Variants in SMG9 observed in about 807,000 individuals in gnomAD.
SMG9 encodes nonsense-mediated mRNA decay factor SMG9.
Under a neutral mutation model 64.0 loss-of-function variants are expected in SMG9, and 55 were observed. That is an observed-to-expected ratio of 0.86 (90% confidence interval 0.69 to 1.08). The LOEUF (loss-of-function observed/expected upper bound fraction) is 1.08. Ranked by LOEUF, SMG9 falls within the 50% of genes least tolerant of loss-of-function variation. SMG9 has a pLI of 0.00. For synonymous variants in SMG9, 244 were observed against 254.8 expected (o/e 0.96, Z 0.41); for missense variants, 554 against 681.3 (o/e 0.81, Z 2.08).
intron 11 of SMG9, 47 bp downstream of exon 11, chr19:43,733,579 G>A (rs776385955): frequency 8.1e-6 from 13 of 1,610,236 alleles, no homozygotes; most frequent in Non-Finnish European, 1.1e-5. Context: ...GGTTGGATCA[G>A]GAATTAGGAG....
chr19:43,747,946 C>T lies in SMG9; in HGVS notation c.225+32G>A, dbSNP rs346539. ...TCAATGGGGGCAATCCCTTCCCTAACGGCTCCCCCTCCTCCCTCCTTCTCT... is the reference window on the plus strand; with the variant it reads ...TCAATGGGGGCAATCCCTTCCCTAATGGCTCCCCCTCCTCCCTCCTTCTCT... On this transcript the variant is annotated intron_variant, in intron 3 of 13. Transcript: ENST00000270066. 3.7e-3 allele frequency: 5,969 copies of T among 1,614,168 alleles called. 199 individuals are homozygous for T. The African/African-American group carries it at 0.07, about 19-fold the overall frequency.
At chr19:43,731,718 C>A in intron 13 of SMG9, 44 bp from the exon 14 acceptor site, 1 of 1,613,476 alleles carries the variant, frequency 6.2e-7, no homozygotes, top group Non-Finnish European at 8.5e-7. Context: ...CGGGGCTCCC[C>A]CCAGCCCAGC....
rs1468431392 is a variant in SMG9, at chr19:43,731,429, G to A, written c.*167C>T. The A allele has an allele frequency of 6.3e-6, 9 of 1,433,430 alleles. No individual in the cohort carries two copies. The highest frequency in any genetic ancestry group is 6.0e-5 in the South Asian group (4 of 66,458). 88.8% of individuals were successfully genotyped at this position (1,433,430 alleles called of 1,614,324 possible). ...CCCCGGAACAGCCCCAACTGAGGGTGGGGGGCCTGGCCCTGGACACCTCAT... is the reference window on the plus strand; with the variant it reads ...CCCCGGAACAGCCCCAACTGAGGGTAGGGGGCCTGGCCCTGGACACCTCAT... On this transcript the variant is annotated 3_prime_UTR_variant, in exon 14 of 14. Transcript: ENST00000270066.
At chr19:43,736,917 G>T (rs968659757) in intron 9 of SMG9, among the ~76,000 whole-genome samples, 1 of 152,200 alleles carries the variant, frequency 6.6e-6, no homozygotes, top group African/African-American at 2.4e-5. Context: ...TTCCCACTGA[G>T]GGAGGCGGAG....
At chr19:43,752,139 C>G (rs1035532999) in intron 1 of SMG9, among the ~76,000 whole-genome samples, 1 of 152,216 alleles carries the variant, frequency 6.6e-6, no homozygotes, top group Non-Finnish European at 1.5e-5. Flanking sequence ...ACCTGGTATC[C>G]CACTACATTT....
At chr19:43,748,668 TC>T (rs559202505) in intron 2 of SMG9, 884 of 520,136 alleles carry the variant, frequency 1.7e-3, no homozygotes, top group South Asian at 2.8e-3. Context: ...TCTTCATGCC[TC>T]CCCAACTTAC....
intron 10 of SMG9, chr19:43,734,096 T>C (rs1568595827): frequency 3.7e-6 from 2 of 533,444 alleles, no homozygotes; most frequent in East Asian, 6.1e-5. Flanking sequence ...AACCTAATAC[T>C]CACTTCCTGA....
chr19:43,753,458 C>CTTTTTTT (rs745479932), intron 1 of SMG9, among the ~76,000 whole-genome samples: 4 of 118,614 alleles, frequency 3.4e-5, no homozygotes, highest in East Asian at 2.4e-4. Flanking sequence ...GAATGCTTTT[C>CTTTTTTT]TTTTTTTTTT....
At chr19:43,735,388 C>T (rs976385705) in intron 9 of SMG9, among the ~76,000 whole-genome samples, 10 of 152,068 alleles carry the variant, frequency 6.6e-5, no homozygotes, top group Non-Finnish European at 1.5e-4. Flanking sequence ...GGAGCTGAGG[C>T]GGGCAGATCA....
At position 43,750,717 on chromosome 19, in the gene SMG9, G is replaced by A; in HGVS notation, c.25C>T (p.Pro9Ser). The A allele has an allele frequency of 6.2e-7, 1 of 1,613,388 alleles. No individual in the cohort carries two copies. ...CGCCGCTCTATCCCATAGAGTCCAG[G>A]CTGACTGTGTCCAGACTCAGACATG... The part of the protein sequence containing the change: MSESGHSQ[P>S]GLYGIERRRR... Residue 9 changes from proline (P) to serine (S), a missense_variant, in exon 2 of 14, where the codon CCT (proline) becomes TCT (serine). Pro to Ser is a moderately conservative substitution (Grantham distance 74, BLOSUM62 -1). Coordinates refer to ENST00000270066, the MANE Select transcript of SMG9 (RefSeq NM_019108.4).
At chr19:43,747,250 T>A (rs1969043158) in intron 5 of SMG9, among the ~76,000 whole-genome samples, 192 bp downstream of exon 5, 1 of 152,142 alleles carries the variant, frequency 6.6e-6, no homozygotes, top group South Asian at 2.1e-4. Flanking sequence ...GAGTTCTGTA[T>A]TTTACCAACT....
intron 9 of SMG9, among the ~76,000 whole-genome samples, chr19:43,736,447 C>G (rs1226364905): frequency 6.6e-6 from 1 of 152,212 alleles, no homozygotes; most frequent in East Asian, 1.9e-4. Context: ...GGGCCTGAAG[C>G]CAGGAAGAGC....
chr19:43,740,401 T>C (rs1968813063), intron 6 of SMG9, among the ~76,000 whole-genome samples, 183 bp from the exon 7 acceptor site: 1 of 152,038 alleles, frequency 6.6e-6, no homozygotes, highest in Admixed American at 6.6e-5. Context: ...AAGCACACAA[T>C]TTCACTCCTA....
Position 43,731,405 on chromosome 19 carries a change from C to A in SMG9, c.*191G>T. 7.1e-7 allele frequency: 1 copy of A among 1,412,760 alleles called. No homozygotes were observed. The highest frequency in any genetic ancestry group is 9.2e-7 in the Non-Finnish European group (1 of 1,083,324). 87.5% of individuals were successfully genotyped at this position (1,412,760 alleles called of 1,614,324 possible). A position where few individuals can be genotyped will look rare whatever the true frequency, so the allele number is the denominator to read the frequency against. On this transcript the variant is annotated 3_prime_UTR_variant, in exon 14 of 14. Coordinates refer to ENST00000270066, the MANE Select transcript of SMG9 (RefSeq NM_019108.4). The stretch of plus-strand genomic sequence containing the variant: ...TGGGGTGGGATCGCTCACAGTCACC[C>A]CCGGAACAGCCCCAACTGAGGGTGG...
At chr19:43,751,167 C>CT (rs1332846546) in intron 1 of SMG9, among the ~76,000 whole-genome samples, 11 of 151,734 alleles carry the variant, frequency 7.2e-5, no homozygotes, top group Admixed American at 7.2e-4. Context: ...GAGTTTCGCT[C>CT]TTGTCACCGA....
In SMG9 at chr19:43,750,695, C is replaced by T. The variant is rs762584929; in HGVS notation, c.47G>A (p.Arg16Gln). 7.4e-6 allele frequency: 12 copies of T among 1,613,854 alleles called. No homozygotes were observed. The highest frequency in any genetic ancestry group is 5.5e-5 in the South Asian group (5 of 91,060). Residue 16 changes from arginine to glutamine, a missense_variant, in exon 2 of 14, where the codon CGG becomes CAG. Transcript: ENST00000270066. ...GCCAGGCTCCTTCCACCGTCGCCGC[C>T]GCTCTATCCCATAGAGTCCAGGCTG... ...HSQPGLYGIE[R>Q]RRRWKEPGSG...
intron 5 of SMG9, among the ~76,000 whole-genome samples, chr19:43,745,674 C>T (rs1175486417): frequency 6.6e-6 from 1 of 152,170 alleles, no homozygotes; most frequent in Non-Finnish European, 1.5e-5. Context: ...CAAGACCAGC[C>T]TGGCCAACAT....
rs1443749160 is a variant in SMG9 at position 43,750,647 on chromosome 19, G to A, written c.95C>T (p.Ser32Phe). The A allele has an allele frequency of 1.2e-6, 2 of 1,614,026 alleles. No homozygotes were observed. The highest frequency in any genetic ancestry group is 2.2e-5 in the East Asian group (1 of 44,876). ...GTCCCTCTCCCGACCACCAGGCCCA[G>A]AGAGATTCTGGGGGCCACCAGAGCC... ...EPGSGGPQNL[S>F]GPGGRERDYI... The change falls in exon 2 of 14, where the codon TCT becomes TTT. Residue 32 changes from serine to phenylalanine, a missense_variant. Coordinates refer to ENST00000270066, the MANE Select transcript of SMG9 (RefSeq NM_019108.4).
In SMG9 at chr19:43,731,554, C is replaced by T. The variant is rs370235699; in HGVS notation, c.*42G>A. On this transcript the variant is annotated 3_prime_UTR_variant, in exon 14 of 14. Transcript: ENST00000270066. ...ATCTGTGCTCCCTCGCAGTACACTG[C>T]GGACCCAGGAGGTCCCCTGCATGAC... The T allele has an allele frequency of 1.4e-5, 23 of 1,613,178 alleles. No homozygotes were observed. Among genetic ancestry groups the T allele is most frequent in the Admixed American group, 3.3e-5 (2 of 59,930 alleles).
Sources: allele counts gnomAD v4.1 joint callset (sites outside exome capture counted in the v4.1 genomes callset), GRCh38; gene constraint gnomAD v4.1.1; transcripts MANE v1.5; gene names NCBI Gene and HGNC (gene_info 2026-07-23, HGNC 2026-07-21).